The following ELOVL6 variants were observed in gnomAD, a reference collection of about 807,000 sequenced individuals.
ELOVL6 encodes the protein ELOVL fatty acid elongase 6, also known as very long chain fatty acid elongase 6.
A neutral mutation model predicts 31.7 loss-of-function variants in ELOVL6; 8 were observed. The ratio of observed to expected loss-of-function variants is 0.25; its 90% CI spans 0.15 to 0.45. ELOVL6 has a LOEUF of 0.45. Ranked by LOEUF, ELOVL6 falls within the 20% of genes least tolerant of loss-of-function variation. ELOVL6 has a pLI of 1.00. For synonymous variants in ELOVL6, 101 were observed against 117.7 expected (o/e 0.86, Z 0.92); for missense variants, 126 against 326.4 (o/e 0.39, Z 4.73).
chr4:110,085,939 G>T (rs958204652), intron 2 of ELOVL6, among the ~76,000 whole-genome samples: 2 of 152,038 alleles, frequency 1.3e-5, no homozygotes, highest in Admixed American at 6.5e-5. Flanking sequence ...ACCCACCTTG[G>T]CCTCCCAAAG....
chr4:110,082,836 A>G (rs1022374601), intron 2 of ELOVL6, among the ~76,000 whole-genome samples: 9 of 152,234 alleles, frequency 5.9e-5, no homozygotes, highest in Admixed American at 3.9e-4. Context: ...ACTGTGTATG[A>G]TAGGCCATGT....
At chr4:110,056,669 T>A (rs1754995322) in intron 3 of ELOVL6, among the ~76,000 whole-genome samples, 1 of 152,210 alleles carries the variant, frequency 6.6e-6, no homozygotes. Context: ...TTCCAACACT[T>A]CAATCTCATA....
intron 1 of ELOVL6, among the ~76,000 whole-genome samples, chr4:110,167,815 C>T (rs1001347381): frequency 6.6e-6 from 1 of 152,080 alleles, no homozygotes; most frequent in South Asian, 2.1e-4. Context: ...GGATTACAGG[C>T]GTGAGCTGCT....
intron 1 of ELOVL6, among the ~76,000 whole-genome samples, chr4:110,140,140 T>A (rs1757913710): frequency 6.6e-6 from 1 of 152,218 alleles, no homozygotes; most frequent in South Asian, 2.1e-4. Context: ...GGCTAGTACT[T>A]TTCTATATAA....
At chr4:110,191,229 T>G (rs951183878) in intron 1 of ELOVL6, among the ~76,000 whole-genome samples, 12 of 152,168 alleles carry the variant, frequency 7.9e-5, no homozygotes, top group Admixed American at 3.3e-4. Context: ...CCTCAATAAC[T>G]ATGCCAACAT....
At chr4:110,149,132 G>A (rs1758212041) in intron 1 of ELOVL6, among the ~76,000 whole-genome samples, 2 of 152,186 alleles carry the variant, frequency 1.3e-5, no homozygotes, top group African/African-American at 4.8e-5. Context: ...AAAGTGCTGG[G>A]ATTACAGGTG....
chr4:110,095,220 A>G (rs1756546617), intron 2 of ELOVL6, among the ~76,000 whole-genome samples: 1 of 152,196 alleles, frequency 6.6e-6, no homozygotes, highest in Admixed American at 6.5e-5. Context: ...GGTGGCTCAC[A>G]CCTGTAATCC....
rs1176130075 is a variant in ELOVL6, at chr4:110,142,338, C to T, written c.90-36710G>A. The stretch of plus-strand genomic sequence containing the variant: ...GGGATTACAGGCATAAGCCACCGCA[C>T]CCGGCCACCCCTTACTAATTTTTAG... On this transcript the variant is annotated intron_variant, in intron 1 of 3. Transcript: ENST00000302274. Among the ~76,000 whole-genome samples the T allele has an allele frequency of 2.6e-5, 4 of 151,692 alleles. No individual in the cohort carries two copies. In the South Asian group the frequency reaches 8.4e-4, roughly 32 times the overall value.
At chr4:110,176,204 T>A (rs1483460605) in intron 1 of ELOVL6, among the ~76,000 whole-genome samples, 1 of 152,094 alleles carries the variant, frequency 6.6e-6, no homozygotes, top group Non-Finnish European at 1.5e-5. Flanking sequence ...ACTCTGTTGC[T>A]CACGCTGGAA....
intron 3 of ELOVL6, among the ~76,000 whole-genome samples, chr4:110,058,733 T>C (rs1188199492): frequency 2.0e-5 from 3 of 152,176 alleles, no homozygotes; most frequent in Admixed American, 6.5e-5. Flanking sequence ...AAAATTGCAA[T>C]TGATATCTTT....
At position 110,146,154 on chromosome 4, in the gene ELOVL6, T is replaced by C. The variant is rs796856625; in HGVS notation, c.90-40526A>G. 4.6e-5 allele frequency among the ~76,000 whole-genome samples: 7 copies of C among 152,196 alleles called. 1 individual carries two copies. The highest frequency in any genetic ancestry group is 1.7e-4 in the African/African-American group (7 of 41,516). On this transcript the variant is annotated intron_variant, in intron 1 of 3. Transcript: ENST00000302274. The stretch of plus-strand genomic sequence containing the variant: ...CTGCTGTTAAAAACAGACACATTGA[T>C]CAATGGACAGAATAGAGAACCCAGA...
chr4:110,196,937 A>AG (rs931235495), intron 1 of ELOVL6, among the ~76,000 whole-genome samples: 22 of 152,158 alleles, frequency 1.4e-4, no homozygotes, highest in Non-Finnish European at 2.9e-4. Flanking sequence ...CGGCGACTCC[A>AG]GGGGGCTGGA....
chr4:110,185,079 C>A (rs1306895415), intron 1 of ELOVL6, among the ~76,000 whole-genome samples: 3 of 152,166 alleles, frequency 2.0e-5, no homozygotes, highest in Non-Finnish European at 4.4e-5. Flanking sequence ...GCTTCTAAAG[C>A]TTTTTCTTAC....
At chr4:110,077,673 T>G (rs2126229869) in intron 2 of ELOVL6, among the ~76,000 whole-genome samples, 1 of 151,972 alleles carries the variant, frequency 6.6e-6, no homozygotes, top group South Asian at 2.1e-4. Flanking sequence ...ACTCTAAAAA[T>G]CAGAGCACCT....
chr4:110,134,208 T>C (rs1757746564), intron 1 of ELOVL6, among the ~76,000 whole-genome samples: 1 of 152,172 alleles, frequency 6.6e-6, no homozygotes, highest in African/African-American at 2.4e-5. Flanking sequence ...AAGACCTCTA[T>C]TAGTGGAGTA....
intron 1 of ELOVL6, among the ~76,000 whole-genome samples, chr4:110,120,083 T>G (rs180859972): frequency 1.3e-5 from 2 of 152,312 alleles, no homozygotes; most frequent in East Asian, 3.9e-4. Context: ...GTCAGAAGGT[T>G]AATGTGTCTT....
Position 110,049,152 on chromosome 4 carries a change from GCT to G in ELOVL6, c.*2184_*2185del, listed in dbSNP as rs1440781040. On this transcript the variant is annotated 3_prime_UTR_variant, in exon 4 of 4. Transcript: ENST00000302274. ...ACATTTGCATCCTAAGCATCTATTA[GCT>G]CTTATAAAAGGACCTGTCTTTTCAG... The G allele has an allele frequency of 6.6e-6, 1 of 152,164 alleles. No individual in the cohort carries two copies. The highest frequency in any genetic ancestry group is 2.4e-5 in the African/African-American group (1 of 41,426). The allele number at this position is 152,164 out of a possible 1,614,324, so 9.4% of individuals were successfully genotyped here.
intron 2 of ELOVL6, among the ~76,000 whole-genome samples, chr4:110,091,243 C>T (rs932468579): frequency 6.6e-6 from 1 of 152,116 alleles, no homozygotes; most frequent in Non-Finnish European, 1.5e-5. Flanking sequence ...CAGAGTGATT[C>T]CTTCACTCCA....
chr4:110,060,227 C>T (rs1292566801), intron 2 of ELOVL6, among the ~76,000 whole-genome samples: 1 of 152,218 alleles, frequency 6.6e-6, no homozygotes, highest in Non-Finnish European at 1.5e-5. Context: ...ACTCGCCTTG[C>T]CAGCCCAGGC....
Sources: gnomAD v4.1 joint callset for allele counts (sites outside exome capture counted in the v4.1 genomes callset) on GRCh38, gnomAD v4.1.1 for gene constraint, MANE v1.5 for transcripts, NCBI Gene and HGNC (gene_info 2026-07-23, HGNC 2026-07-21) for gene names.